PPP1R16B: variants seen among roughly 807,000 people sequenced by gnomAD.
PPP1R16B encodes protein phosphatase 1 regulatory subunit 16B.
PPP1R16B carries 14 observed loss-of-function variants against 61.7 expected under a neutral mutation model. That is an observed-to-expected ratio of 0.23 (90% CI 0.15 to 0.35). PPP1R16B has a LOEUF of 0.35. Among genes scored for constraint, PPP1R16B ranks in the 10% least tolerant of loss-of-function variants. The pLI, the probability that PPP1R16B is intolerant of heterozygous loss-of-function variation, is 1.00. For synonymous variants in PPP1R16B, 266 were observed against 305.3 expected (o/e 0.87, Z 1.34); for missense variants, 547 against 752.5 (o/e 0.73, Z 3.19).
At position 38,847,516 on chromosome 20, in the gene PPP1R16B, C is replaced by A. The variant is rs186147446; in HGVS notation, c.250+11341C>A. On this transcript the variant is annotated intron_variant, in intron 2 of 10. Coordinates refer to ENST00000299824, the MANE Select transcript of PPP1R16B (RefSeq NM_015568.4). ...AGATTACAGGTACCCACCACCACACCCGGGTAATTTTTGTATTTTTAGTAG... is the reference window on the plus strand; with the variant it reads ...AGATTACAGGTACCCACCACCACACACGGGTAATTTTTGTATTTTTAGTAG... Among the ~76,000 whole-genome samples the A allele has an allele frequency of 3.3e-3, 506 of 152,234 alleles. 2 individuals are homozygous for A. The highest frequency in any genetic ancestry group is 0.011 in the African/African-American group (472 of 41,540).
At chr20:38,872,748 T>G (rs2085139007) in intron 2 of PPP1R16B, 1 of 152,450 alleles carries the variant, frequency 6.6e-6, no homozygotes, top group African/African-American at 2.4e-5. Flanking sequence ...CTTAGGTTTG[T>G]GATTTAGAAA....
intron 1 of PPP1R16B, among the ~76,000 whole-genome samples, chr20:38,830,849 G>C (rs1396163029): frequency 6.6e-6 from 1 of 152,200 alleles, no homozygotes; most frequent in Non-Finnish European, 1.5e-5. Flanking sequence ...CTGAGATGAT[G>C]GCTGGGGAAG....
At chr20:38,854,936 C>T (rs1490654872) in intron 2 of PPP1R16B, among the ~76,000 whole-genome samples, 1 of 152,190 alleles carries the variant, frequency 6.6e-6, no homozygotes, top group African/African-American at 2.4e-5. Context: ...TGGCGGCCTT[C>T]TATCAGTCAG....
intron 1 of PPP1R16B, among the ~76,000 whole-genome samples, chr20:38,827,857 A>G (rs1443236689): frequency 6.6e-6 from 1 of 152,080 alleles, no homozygotes; most frequent in African/African-American, 2.4e-5. Context: ...TACATCCTTT[A>G]GGAGAGAAAG....
At chr20:38,877,050 C>T (rs1341846056) in intron 2 of PPP1R16B, among the ~76,000 whole-genome samples, 1 of 152,096 alleles carries the variant, frequency 6.6e-6, no homozygotes, top group Non-Finnish European at 1.5e-5. Context: ...CAAGCATTTT[C>T]CCATGTCATT....
At chr20:38,889,701 G>A in intron 3 of PPP1R16B, 36 bp downstream of exon 3, 1 of 1,526,740 alleles carries the variant, frequency 6.5e-7, no homozygotes, top group South Asian at 1.1e-5. Context: ...AGGGCTCCCT[G>A]CCCCTCACCT....
At chr20:38,845,578 T>C (rs1333391355) in intron 2 of PPP1R16B, among the ~76,000 whole-genome samples, 1 of 152,034 alleles carries the variant, frequency 6.6e-6, no homozygotes, top group Non-Finnish European at 1.5e-5. Flanking sequence ...TCTGAGGAGG[T>C]GATTTGGGCT....
At chr20:38,885,249 C>T (rs767100573) in intron 2 of PPP1R16B, among the ~76,000 whole-genome samples, 2 of 151,742 alleles carry the variant, frequency 1.3e-5, no homozygotes, top group South Asian at 2.1e-4. Flanking sequence ...AATGGAGCCA[C>T]GAGAAGGTTT....
intron 7 of PPP1R16B, 149 bp from the exon 8 acceptor site, chr20:38,906,830 A>G (rs1027661550): frequency 1.5e-6 from 1 of 663,898 alleles, no homozygotes; most frequent in Non-Finnish European, 2.7e-6. Flanking sequence ...GATTCCCCCC[A>G]TGGCTCTAGT....
At chr20:38,885,864 C>G (rs533824005) in intron 2 of PPP1R16B, among the ~76,000 whole-genome samples, 2 of 152,332 alleles carry the variant, frequency 1.3e-5, no homozygotes, top group East Asian at 3.9e-4. Flanking sequence ...CAACCTCTGC[C>G]TCCTAAATTC....
chr20:38,816,119 G>T (rs559638152), intron 1 of PPP1R16B, among the ~76,000 whole-genome samples: 1 of 152,172 alleles, frequency 6.6e-6, no homozygotes, highest in African/African-American at 2.4e-5. Flanking sequence ...TATCCTTAGT[G>T]GGGGCAGCAG....
intron 3 of PPP1R16B, 27 bp downstream of exon 3, chr20:38,889,692 G>A: frequency 6.5e-7 from 1 of 1,541,334 alleles, no homozygotes; most frequent in Non-Finnish European, 9.0e-7. Context: ...TGGGGCTCCA[G>A]GGCTCCCTGC....
intron 2 of PPP1R16B, among the ~76,000 whole-genome samples, chr20:38,867,713 C>T (rs182347320): frequency 6.9e-4 from 105 of 152,010 alleles, no homozygotes; most frequent in Non-Finnish European, 1.2e-3. Context: ...TGCTCTGTTG[C>T]CCAGGCTGGA....
intron 10 of PPP1R16B, among the ~76,000 whole-genome samples, chr20:38,911,733 C>T (rs928653366): frequency 9.9e-5 from 15 of 151,946 alleles, no homozygotes; most frequent in East Asian, 7.8e-4. Context: ...GATGGGGTTT[C>T]GCCATATTGG....
At chr20:38,841,222 AT>A (rs957929226) in intron 2 of PPP1R16B, among the ~76,000 whole-genome samples, 4 of 152,052 alleles carry the variant, frequency 2.6e-5, no homozygotes, top group African/African-American at 7.2e-5. Context: ...ATCAGCCACA[AT>A]CCAGTTGTAA....
chr20:38,914,880 C>T (rs1267031159), intron 10 of PPP1R16B, among the ~76,000 whole-genome samples: 2 of 152,180 alleles, frequency 1.3e-5, no homozygotes, highest in Admixed American at 1.3e-4. Context: ...GTTGCCCAGG[C>T]TGGTCTCCAA....
In PPP1R16B at chr20:38,807,889, C is replaced by T. The variant is rs140375203; in HGVS notation, c.-102+2097C>T. On this transcript the variant is annotated intron_variant, in intron 1 of 10. Transcript: ENST00000299824. ...TCTGTGGTTCATGTGTCAAGGGCCCCGTGCCATCTGTGCTCTCCAGATCAT... is the reference window on the plus strand; with the variant it reads ...TCTGTGGTTCATGTGTCAAGGGCCCTGTGCCATCTGTGCTCTCCAGATCAT... Among the ~76,000 whole-genome samples, 212 of 152,120 alleles carry T rather than the reference C, an allele frequency of 1.4e-3. 3 individuals carry two copies. Among genetic ancestry groups the T allele is most frequent in the African/African-American group, 4.8e-3 (199 of 41,488 alleles).
In PPP1R16B at chr20:38,922,187, T is replaced by C. The variant is rs891547631; in HGVS notation, c.*3521T>C. The C allele has an allele frequency of 1.9e-4, 29 of 152,668 alleles. No homozygotes were observed. Among genetic ancestry groups the C allele is most frequent in the East Asian group, 5.8e-4 (3 of 5,190 alleles). The allele number at this position is 152,668 out of a possible 1,614,324, so 9.5% of individuals were successfully genotyped here. ...ATATACAGCATAAGTAAAACTGCTC[T>C]GCACTGTTTAATCCATTTCCAAGGG... On this transcript the variant is annotated 3_prime_UTR_variant, in exon 11 of 11. Coordinates refer to ENST00000299824, the MANE Select transcript of PPP1R16B (RefSeq NM_015568.4).
chr20:38,871,654 A>AAGGGAGGG (rs544581795), intron 2 of PPP1R16B, among the ~76,000 whole-genome samples: 1 of 92,194 alleles, frequency 1.1e-5, no homozygotes, highest in African/African-American at 4.2e-5. Context: ...AAGAAAGGGG[A>AAGGGAGGG]AGGGAGGGAG....
Sources: gnomAD v4.1 joint callset for allele counts (sites outside exome capture counted in the v4.1 genomes callset) on GRCh38, gnomAD v4.1.1 for gene constraint, MANE v1.5 for transcripts, NCBI Gene and HGNC (gene_info 2026-07-23, HGNC 2026-07-21) for gene names.